Variants in DOCK9 observed in about 807,000 individuals in gnomAD.
The protein encoded by DOCK9 is dedicator of cytokinesis 9, also known as dedicator of cytokinesis protein 9.
In DOCK9, 89 loss-of-function variants were observed where a neutral mutation model predicts 263.3. That is an observed-to-expected ratio of 0.34 (90% CI 0.28 to 0.40). The LOEUF (loss-of-function observed/expected upper bound fraction) is 0.40, where lower values mean the gene tolerates loss of function less well. Ranked by LOEUF, DOCK9 falls within the 10% of genes least tolerant of loss-of-function variation. The pLI, the probability that DOCK9 is intolerant of heterozygous loss-of-function variation, is 1.00. For missense variants in DOCK9, 2,140 were observed against 2,603.4 expected (o/e 0.82, Z 3.87); for synonymous variants, 976 against 973.1 (o/e 1.00, Z -0.06).
chr13:99,042,348 C>T (rs1369952943), intron 1 of DOCK9, among the ~76,000 whole-genome samples: 1 of 152,212 alleles, frequency 6.6e-6, no homozygotes, highest in African/African-American at 2.4e-5. Context: ...TACCTTCTGT[C>T]CAAAACATGT....
intron 1 of DOCK9, among the ~76,000 whole-genome samples, chr13:98,956,589 G>T (rs1386253425): frequency 6.6e-6 from 1 of 151,770 alleles, no homozygotes; most frequent in Non-Finnish European, 1.5e-5. Context: ...ACTACAAAAA[G>T]TATAAAAATT....
At chr13:99,016,269 A>G (rs1282009299) in intron 1 of DOCK9, among the ~76,000 whole-genome samples, 1 of 152,226 alleles carries the variant, frequency 6.6e-6, no homozygotes, top group Non-Finnish European at 1.5e-5. Context: ...ATGCAAGCCC[A>G]CTTCAAACAA....
upstream of DOCK9, among the ~76,000 whole-genome samples, chr13:98,979,807 A>G (rs969932921): frequency 6.6e-6 from 1 of 152,222 alleles, no homozygotes; most frequent in African/African-American, 2.4e-5. Flanking sequence ...AAATTATAGT[A>G]AAGTAAAAAC....
Position 98,824,382 on chromosome 13 carries a change from G to A in DOCK9, c.5130+16C>T. ...TACCCCAGTACCTGAAAGCCCACAT[G>A]AGTTCAAGCACGCACCTCGTTGAAA... On this transcript the variant is annotated intron_variant, in intron 45 of 52. Transcript: ENST00000682017. 6.2e-7 allele frequency: 1 copy of A among 1,611,312 alleles called. No individual in the cohort carries two copies. Among genetic ancestry groups the A allele is most frequent in the Middle Eastern group, 1.7e-4 (1 of 5,954 alleles).
intron 27 of DOCK9, among the ~76,000 whole-genome samples, chr13:98,877,526 G>C (rs899274066): frequency 3.3e-5 from 5 of 152,000 alleles, no homozygotes; most frequent in African/African-American, 1.2e-4. Flanking sequence ...TGTGGTGCTG[G>C]GTCCTAAGCT....
At chr13:98,894,476 T>C (rs1175051761) in intron 15 of DOCK9, among the ~76,000 whole-genome samples, 1 of 152,112 alleles carries the variant, frequency 6.6e-6, no homozygotes, top group African/African-American at 2.4e-5. Flanking sequence ...GAAATATATA[T>C]TTTCTTTCAA....
chr13:98,853,939 C>A (rs1267956848), intron 34 of DOCK9, among the ~76,000 whole-genome samples: 1 of 152,214 alleles, frequency 6.6e-6, no homozygotes, highest in Admixed American at 6.5e-5. Context: ...ACAGCCGTGG[C>A]TGAAACAGCA....
rs1374835947 is a variant in DOCK9 at position 98,961,888 on chromosome 13, G to A, written c.127-6337C>T. ...AGATGGGACGCCATGGCACAATTCA[G>A]ACATGTTCTAAGGTATGTGGCCCCA... On this transcript the variant is annotated intron_variant, in intron 1 of 52. Coordinates refer to ENST00000682017, the MANE Select transcript of DOCK9 (RefSeq NM_001366683.2). 3.3e-5 allele frequency among the ~76,000 whole-genome samples: 5 copies of A among 152,296 alleles called. No individual in the cohort carries two copies. The East Asian group carries it at 9.7e-4, about 29-fold the overall frequency.
intron 32 of DOCK9, among the ~76,000 whole-genome samples, chr13:98,860,923 C>A (rs536408873): frequency 1.3e-5 from 2 of 152,084 alleles, no homozygotes; most frequent in African/African-American, 4.8e-5. Flanking sequence ...ATCTGTAATG[C>A]GGGGAATTAC....
In DOCK9 at chr13:98,868,260, C is replaced by T. The variant is rs1225814852; in HGVS notation, c.3061G>A (p.Ala1021Thr). 9.3e-6 allele frequency: 15 copies of T among 1,613,810 alleles called. No homozygotes were observed. Among genetic ancestry groups the T allele is most frequent in the African/African-American group, 4.0e-5 (3 of 74,896 alleles). ...FRDNPEASKN[A>T]NHSLAVFIKR... is the part of the protein sequence containing the mutation. Reference sequence around the variant, plus strand: ...ATGAAGACAGCAAGGCTATGATTCGCGTTCTTAGATGCCTCTGGATTATCT... The same window carrying T: ...ATGAAGACAGCAAGGCTATGATTCGTGTTCTTAGATGCCTCTGGATTATCT... Residue 1021 changes from alanine (A) to threonine (T), a missense_variant, in exon 28 of 53, where the codon GCG (alanine) becomes ACG (threonine). Physicochemically the swap from Ala to Thr is moderately conservative, Grantham distance 58 (BLOSUM62 0). Around this residue, in one of 2 missense-constraint regions of DOCK9, gnomAD observed 1,521 missense variants for 1,741.7 expected, o/e 0.87. Coordinates refer to ENST00000682017, the MANE Select transcript of DOCK9 (RefSeq NM_001366683.2).
At position 98,810,308 on chromosome 13, in the gene DOCK9, G is replaced by A; in HGVS notation, c.5131-17C>T. ...CAGCACATCCTGATCAAAGAGGAGG[G>A]CCAACAGCAAGAGAAGAGCGTTATG... On this transcript the variant is annotated splice_polypyrimidine_tract_variant and intron_variant, in intron 45 of 52. Coordinates refer to ENST00000682017, the MANE Select transcript of DOCK9 (RefSeq NM_001366683.2). 1 of 1,612,340 alleles carries A rather than the reference G, an allele frequency of 6.2e-7. No individual in the cohort carries two copies. The highest frequency in any genetic ancestry group is 8.5e-7 in the Non-Finnish European group (1 of 1,179,802).
At chr13:98,909,556 C>T (rs2049682262) in intron 9 of DOCK9, among the ~76,000 whole-genome samples, 1 of 152,140 alleles carries the variant, frequency 6.6e-6, no homozygotes. Flanking sequence ...AATATATAAT[C>T]TTTAATTTAA....
intron 1 of DOCK9, among the ~76,000 whole-genome samples, chr13:99,069,627 G>A (rs1241357436): frequency 1.3e-5 from 2 of 152,198 alleles, no homozygotes; most frequent in Non-Finnish European, 2.9e-5. Context: ...ATCCATGGCT[G>A]ATCTCATCTT....
intron 7 of DOCK9, among the ~76,000 whole-genome samples, chr13:98,917,232 T>C (rs1444794107): frequency 1.3e-5 from 2 of 152,208 alleles, no homozygotes; most frequent in African/African-American, 2.4e-5. Context: ...AACTCTCTTA[T>C]AAAACAAAAA....
intron 1 of DOCK9, among the ~76,000 whole-genome samples, chr13:99,023,909 A>G (rs887248460): frequency 1.7e-4 from 26 of 152,224 alleles, no homozygotes; most frequent in African/African-American, 6.0e-4. Flanking sequence ...GATGCCTGAG[A>G]TTTAAATTTC....
chr13:98,902,025 AG>A, intron 12 of DOCK9, 125 bp from the exon 13 acceptor site: 4 of 1,225,224 alleles, frequency 3.3e-6, no homozygotes, highest in Non-Finnish European at 4.5e-6. Flanking sequence ...GTGCCAAACT[AG>A]TTAGCTGACA....
At chr13:98,994,296 A>C (rs966304727) in intron 1 of DOCK9, among the ~76,000 whole-genome samples, 2 of 152,196 alleles carry the variant, frequency 1.3e-5, no homozygotes, top group African/African-American at 4.8e-5. Context: ...GTGGTTCCCC[A>C]CTGGGGGTGA....
intron 1 of DOCK9, among the ~76,000 whole-genome samples, chr13:98,985,169 G>T (rs1330294493): frequency 6.6e-6 from 1 of 152,128 alleles, no homozygotes; most frequent in African/African-American, 2.4e-5. Context: ...AGAAACCTCT[G>T]TTTCCAGATG....
At chr13:99,005,197 C>G (rs559579259) in intron 1 of DOCK9, among the ~76,000 whole-genome samples, 1 of 152,244 alleles carries the variant, frequency 6.6e-6, no homozygotes, top group African/African-American at 2.4e-5. Flanking sequence ...ATTTTATGAA[C>G]AGGCTATTTA....
Sources: gnomAD v4.1 joint callset for allele counts (sites outside exome capture counted in the v4.1 genomes callset) on GRCh38, gnomAD v4.1.1 for gene constraint, gnomAD v4.1.1 regional missense constraint, MANE v1.5 for transcripts, NCBI Gene and HGNC (gene_info 2026-07-23, HGNC 2026-07-21) for gene names.